Variants in ESCO1 observed in about 807,000 individuals in gnomAD.
ESCO1 encodes N-acetyltransferase ESCO1.
A neutral mutation model predicts 83.5 loss-of-function variants in ESCO1; 33 were observed. The ratio of observed to expected loss-of-function variants is 0.40; its 90% CI spans 0.30 to 0.53. The LOEUF is 0.53. Among genes scored for constraint, ESCO1 ranks in the 20% least tolerant of loss-of-function variants. ESCO1 has a pLI of 0.63. For synonymous variants in ESCO1, 332 were observed against 324.3 expected, an observed-to-expected ratio of 1.02 and a Z score of -0.25; for missense variants, 855 against 968.0, an observed-to-expected ratio of 0.88 and a Z score of 1.55.
chr18:21,581,307 C>T (rs1341573618), intron 2 of ESCO1, among the ~76,000 whole-genome samples: 2 of 150,316 alleles, frequency 1.3e-5, no homozygotes, highest in East Asian at 2.0e-4. Flanking sequence ...GGCAACACAG[C>T]GAGAATCCAT....
chr18:21,533,530 C>T (rs771469305), intron 10 of ESCO1, among the ~76,000 whole-genome samples: 1 of 152,112 alleles, frequency 6.6e-6, no homozygotes, highest in Non-Finnish European at 1.5e-5. Context: ...TCCTGGATTA[C>T]AGGCATGAGC....
intron 7 of ESCO1, 55 bp downstream of exon 7, chr18:21,564,148 T>A: frequency 1.8e-6 from 2 of 1,112,004 alleles, no homozygotes; most frequent in South Asian, 2.8e-5. Context: ...CAACATGAAA[T>A]ATACTAAGAT....
At chr18:21,558,483 T>G (rs1367422931) in intron 8 of ESCO1, among the ~76,000 whole-genome samples, 1 of 152,058 alleles carries the variant, frequency 6.6e-6, no homozygotes, top group Non-Finnish European at 1.5e-5. Flanking sequence ...AATCCCAACA[T>G]TTTGGGAGGC....
intron 6 of ESCO1, among the ~76,000 whole-genome samples, chr18:21,564,617 C>T (rs936728124): frequency 4.0e-5 from 6 of 151,222 alleles, no homozygotes; most frequent in Non-Finnish European, 2.9e-5. Context: ...AGGATGGTCT[C>T]GATCTCCTGA....
intron 2 of ESCO1, among the ~76,000 whole-genome samples, chr18:21,577,306 G>C (rs1201454654): frequency 7.5e-6 from 1 of 133,766 alleles, no homozygotes; most frequent in Non-Finnish European, 1.5e-5. Context: ...GCAGTGAACT[G>C]AGATCATGCC....
At chr18:21,557,467 T>C (rs1003678170) in intron 8 of ESCO1, among the ~76,000 whole-genome samples, 12 of 152,166 alleles carry the variant, frequency 7.9e-5, no homozygotes, top group African/African-American at 2.2e-4. Flanking sequence ...CACTTCTAAG[T>C]TGCAAAGCTA....
At chr18:21,588,845 C>T (rs762629817) in intron 1 of ESCO1, among the ~76,000 whole-genome samples, 1 of 151,966 alleles carries the variant, frequency 6.6e-6, no homozygotes, top group South Asian at 2.1e-4. Context: ...GAGCCTTGAT[C>T]GCACCACTCC....
Position 21,573,662 on chromosome 18 carries a change from A to G in ESCO1, c.1182T>C (p.Ile394=), listed in dbSNP as rs1181600438. Residue 394 remains isoleucine, a synonymous_variant, in exon 4 of 12, where the codon ATT becomes ATC. Transcript: ENST00000269214. Reference sequence around the variant, plus strand: ...GCACAGAGTTAAATTTTGAGAGTTTAATTTTAGTCCAGTTGGAGTTCTTCT... The same window carrying G: ...GCACAGAGTTAAATTTTGAGAGTTTGATTTTAGTCCAGTTGGAGTTCTTCT... ...SAKKNSNWTK[I]KLSKFNSVQH... is the part of the protein sequence containing the mutation. 1 of 1,614,130 alleles carries G rather than the reference A, an allele frequency of 6.2e-7. No individual in the cohort carries two copies. Among genetic ancestry groups the G allele is most frequent in the Non-Finnish European group, 8.5e-7 (1 of 1,180,014 alleles).
At chr18:21,584,823 A>T (rs1432888468) in intron 1 of ESCO1, among the ~76,000 whole-genome samples, 1 of 151,950 alleles carries the variant, frequency 6.6e-6, no homozygotes, top group African/African-American at 2.4e-5. Flanking sequence ...CCCCATCTCA[A>T]CAACAACAAC....
intron 2 of ESCO1, among the ~76,000 whole-genome samples, chr18:21,577,573 T>A (rs1447175766): frequency 6.6e-6 from 1 of 151,140 alleles, no homozygotes; most frequent in African/African-American, 2.4e-5. Context: ...GGCAGGAGAA[T>A]TGCTTGAATC....
chr18:21,530,878 A>G (rs2037758945), intron 11 of ESCO1, among the ~76,000 whole-genome samples: 1 of 152,186 alleles, frequency 6.6e-6, no homozygotes, highest in Non-Finnish European at 1.5e-5. Context: ...TCAATATTGT[A>G]TTGGAGGTTC....
chr18:21,532,442 A>T (rs1168950935), intron 11 of ESCO1, 31 bp downstream of exon 11: 1 of 1,587,636 alleles, frequency 6.3e-7, no homozygotes, highest in Non-Finnish European at 8.6e-7. Context: ...TAAACTACTA[A>T]AAATGATTTG....
intron 8 of ESCO1, among the ~76,000 whole-genome samples, chr18:21,548,395 T>C (rs570163830): frequency 3.3e-5 from 5 of 152,130 alleles, no homozygotes; most frequent in Non-Finnish European, 5.9e-5. Context: ...CTCAGCAGGC[T>C]GAGGCAAGAG....
chr18:21,587,681 TA>T lies in ESCO1; in HGVS notation c.-824-3242del, dbSNP rs1228312792. On this transcript the variant is annotated intron_variant, in intron 1 of 11. Transcript: ENST00000269214. ...GCCAGGTGTAGTAGCTCATGCCTAT[TA>T]ACCCAGCACTTTGGGAGGCCAAGGT... Among the ~76,000 whole-genome samples, 4 of 151,972 alleles carry T rather than the reference TA, an allele frequency of 2.6e-5. No homozygotes were observed. The East Asian group carries it at 7.7e-4, about 29-fold the overall frequency.
chr18:21,574,304 C>T lies in ESCO1; in HGVS notation c.540G>A (p.Leu180=), dbSNP rs2038387321. 6.2e-7 allele frequency: 1 copy of T among 1,613,616 alleles called. No individual in the cohort carries two copies. Among genetic ancestry groups the T allele is most frequent in the Non-Finnish European group, 8.5e-7 (1 of 1,179,998 alleles). ...TSQKHVKRKV[L]EVKSDSKEDE... ...CTTCTTTAGAGTCAGACTTTACTTC[C>T]AGTACTTTTCTCTTCACATGTTTTT... The change falls in exon 4 of 12, where the codon CTG becomes CTA. Residue 180 remains leucine (L), a synonymous_variant. Transcript: ENST00000269214.
chr18:21,595,734 AG>A (rs1258931235), intron 1 of ESCO1, among the ~76,000 whole-genome samples: 7 of 146,586 alleles, frequency 4.8e-5, no homozygotes, highest in African/African-American at 1.8e-4. Flanking sequence ...GAGGCCAAGG[AG>A]GGGGGATCAC....
intron 8 of ESCO1, among the ~76,000 whole-genome samples, chr18:21,552,395 A>G (rs2038057162): frequency 1.3e-5 from 2 of 152,200 alleles, no homozygotes; most frequent in African/African-American, 2.4e-5. Flanking sequence ...TTCTTGTGAC[A>G]GTGAGTTCTC....
chr18:21,581,996 G>A (rs182464000), intron 2 of ESCO1, among the ~76,000 whole-genome samples: 39 of 152,148 alleles, frequency 2.6e-4, no homozygotes, highest in South Asian at 1.0e-3. Flanking sequence ...GCTGAGGTGG[G>A]TGGATCACTT....
chr18:21,599,791 TGA>T (rs2038816192), intron 1 of ESCO1, among the ~76,000 whole-genome samples: 1 of 152,050 alleles, frequency 6.6e-6, no homozygotes, highest in South Asian at 2.1e-4. Flanking sequence ...GACGCATCAT[TGA>T]GAGGCGGAGG....
Sources: allele counts gnomAD v4.1 joint callset (sites outside exome capture counted in the v4.1 genomes callset), GRCh38; gene constraint gnomAD v4.1.1; transcripts MANE v1.5; gene names NCBI Gene and HGNC (gene_info 2026-07-23, HGNC 2026-07-21).